The following SYNE1 variants were observed in gnomAD, a reference collection of about 807,000 sequenced individuals.
The protein encoded by SYNE1 is nesprin-1.
SYNE1 carries 616 observed loss-of-function variants against 1,111.0 expected under a neutral mutation model. The ratio of observed to expected loss-of-function variants is 0.55; its 90% CI spans 0.52 to 0.59. SYNE1 has a LOEUF of 0.59. Ranked by LOEUF, SYNE1 falls within the 20% of genes least tolerant of loss-of-function variation. The probability of loss-of-function intolerance (pLI) is 0.00; values close to 1 mark genes in which losing one functional copy is unlikely to be tolerated. For synonymous variants in SYNE1, 3,855 were observed against 3,825.8 expected (o/e 1.01, Z -0.28); for missense variants, 10,006 against 10,417.0 (o/e 0.96, Z 1.72).
At chr6:152,463,011 T>C in intron 19 of SYNE1, 121 bp from the exon 20 acceptor site, 1 of 1,210,078 alleles carries the variant, frequency 8.3e-7, no homozygotes, top group Non-Finnish European at 1.2e-6. Context: ...CTCTAATCTT[T>C]GATTCTCATT....
intron 141 of SYNE1, 124 bp from the exon 142 acceptor site, chr6:152,135,356 TCTGAGGAAGGCA>T (rs2056818028): frequency 1.9e-6 from 2 of 1,052,650 alleles, no homozygotes; most frequent in Middle Eastern, 2.4e-4. Context: ...GCAACTCCTT[TCTGAGGAAGGCA>T]CTGGTGCTGT....
chr6:152,384,513 G>T (rs1362013957), intron 55 of SYNE1, among the ~76,000 whole-genome samples: 1 of 152,170 alleles, frequency 6.6e-6, no homozygotes, highest in Admixed American at 6.5e-5. Flanking sequence ...GGTTTTATGT[G>T]ATTATCTCAG....
chr6:152,346,034 C>T (rs4869765), intron 73 of SYNE1, among the ~76,000 whole-genome samples: 125,692 of 152,168 alleles, frequency 0.83, 51,943 homozygotes, highest in East Asian at 0.86. Context: ...TACTTTTGTG[C>T]TACAAAATAA....
intron 58 of SYNE1, chr6:152,376,001 G>C: frequency 5.4e-6 from 1 of 186,572 alleles, no homozygotes; most frequent in Non-Finnish European, 1.1e-5. Flanking sequence ...TGGCACCAGG[G>C]AGTGGTTTCA....
In SYNE1 at chr6:152,330,269, C is replaced by T. The variant is rs746657854; in HGVS notation, c.14416G>A (p.Glu4806Lys). ...SVKEEQSKVN[E>K]ETLPAEEKLK... ...TTCTCCTCTGCAGGCAGCGTTTCCT[C>T]ATTCACTTTGGACTGCTCCTCTTTT... is the stretch of plus-strand genomic sequence containing the variant. The change falls in exon 78 of 146, where the codon GAG (glutamate) becomes AAG (lysine). Residue 4806 changes from glutamate (E) to lysine (K), a missense_variant. By Grantham distance (56) the Glu-to-Lys change is moderately conservative. Coordinates refer to ENST00000367255, the MANE Select transcript of SYNE1 (RefSeq NM_182961.4). 7 of 1,614,186 alleles carry T rather than the reference C, an allele frequency of 4.3e-6. No individual in the cohort carries two copies. The highest frequency in any genetic ancestry group is 5.9e-6 in the Non-Finnish European group (7 of 1,180,036).
At chr6:152,314,327 C>G (rs1461532144) in intron 87 of SYNE1, among the ~76,000 whole-genome samples, 1 of 152,192 alleles carries the variant, frequency 6.6e-6, no homozygotes, top group East Asian at 1.9e-4. Flanking sequence ...CCAGAAAACA[C>G]TCCTCACATT....
At chr6:152,438,908 G>A (rs1259754318) in intron 32 of SYNE1, among the ~76,000 whole-genome samples, 1 of 152,156 alleles carries the variant, frequency 6.6e-6, no homozygotes, top group Non-Finnish European at 1.5e-5. Flanking sequence ...AAATAACGTA[G>A]TGACTAAAGA....
At chr6:152,237,910 C>T (rs1302061613) in intron 108 of SYNE1, among the ~76,000 whole-genome samples, 1 of 152,186 alleles carries the variant, frequency 6.6e-6, no homozygotes, top group Non-Finnish European at 1.5e-5. Flanking sequence ...ATGCTCACTT[C>T]ACTGTGCAGT....
intron 3 of SYNE1, among the ~76,000 whole-genome samples, chr6:152,541,964 A>G (rs1161519939): frequency 2.0e-5 from 3 of 152,134 alleles, no homozygotes; most frequent in Admixed American, 6.6e-5. Context: ...TTGAAAAAAA[A>G]AGAGAGAAAA....
chr6:152,288,709 C>G (rs1457459960), intron 95 of SYNE1, among the ~76,000 whole-genome samples: 23 of 152,142 alleles, frequency 1.5e-4, no homozygotes, highest in Admixed American at 1.4e-3. Context: ...CCACGCCCAG[C>G]TAATTTTTGT....
chr6:152,421,992 C>T (rs1426065945), intron 39 of SYNE1, among the ~76,000 whole-genome samples: 1 of 152,178 alleles, frequency 6.6e-6, no homozygotes, highest in Non-Finnish European at 1.5e-5. Context: ...AGGTGTGAGC[C>T]ACCATGCTCA....
At chr6:152,193,391 C>T (rs559064735) in intron 127 of SYNE1, among the ~76,000 whole-genome samples, 1 of 152,206 alleles carries the variant, frequency 6.6e-6, no homozygotes, top group African/African-American at 2.4e-5. Context: ...TTTGTCAGCT[C>T]ACTGCAATCT....
rs190020051 is a variant in SYNE1, at chr6:152,313,056, A to C, written c.16711-2183T>G. ...AAGAAATGCATCCACCTTAGGTACA[A>C]TGTCTGCTTATATATAAGACAACAA... On this transcript the variant is annotated intron_variant, in intron 87 of 145. Coordinates refer to ENST00000367255, the MANE Select transcript of SYNE1 (RefSeq NM_182961.4). Among the ~76,000 whole-genome samples the C allele has an allele frequency of 1.8e-4, 27 of 152,336 alleles. No homozygotes were observed. The East Asian group carries it at 4.6e-3, about 26-fold the overall frequency.
At chr6:152,320,221 G>A (rs2095840289) in intron 84 of SYNE1, 1 of 152,168 alleles carries the variant, frequency 6.6e-6, no homozygotes, top group Non-Finnish European at 1.5e-5. Context: ...CAATGTCTAA[G>A]AAGAAAAGCC....
At chr6:152,134,454 C>T (rs555775555) in intron 142 of SYNE1, 91 of 152,654 alleles carry the variant, frequency 6.0e-4, no homozygotes, top group East Asian at 7.7e-4. Context: ...GGATCACCTG[C>T]GGCCAGGAGT....
At chr6:152,125,541 C>A in intron 145 of SYNE1, 1 of 707,684 alleles carries the variant, frequency 1.4e-6, no homozygotes, top group Non-Finnish European at 2.1e-6. Flanking sequence ...TAGCTACCCA[C>A]AAACTTTGGA....
intron 102 of SYNE1, 100 bp downstream of exon 102, chr6:152,256,534 C>T: frequency 6.6e-7 from 1 of 1,521,036 alleles, no homozygotes; most frequent in Middle Eastern, 1.7e-4. Context: ...GTCTCATGCT[C>T]AGGGGTGGAT....
chr6:152,231,899 TTAA>T (rs1261502582), intron 113 of SYNE1, among the ~76,000 whole-genome samples: 5 of 152,090 alleles, frequency 3.3e-5, no homozygotes, highest in African/African-American at 1.2e-4. Context: ...CTGTAATTCT[TTAA>T]TAACACAAAA....
chr6:152,138,707 G>T (rs1173103010), intron 140 of SYNE1, among the ~76,000 whole-genome samples: 2 of 152,018 alleles, frequency 1.3e-5, no homozygotes, highest in African/African-American at 4.8e-5. Flanking sequence ...CACATTTTGA[G>T]GAGGAGCACA....
Sources: allele counts gnomAD v4.1 joint callset (sites outside exome capture counted in the v4.1 genomes callset), GRCh38; gene constraint gnomAD v4.1.1; transcripts MANE v1.5; gene names NCBI Gene and HGNC (gene_info 2026-07-23, HGNC 2026-07-21).